CCDC152: variants seen among roughly 807,000 people sequenced by gnomAD.
The protein encoded by CCDC152 is coiled-coil domain containing 152.
CCDC152 carries 37 observed loss-of-function variants against 38.1 expected under a neutral mutation model. The observed-to-expected ratio is 0.97, with a 90% confidence interval of 0.75 to 1.28. The LOEUF is 1.28. Ranked by LOEUF, CCDC152 falls within the 50% of genes most tolerant of loss-of-function variation. CCDC152 has a pLI of 0.00. For synonymous variants in CCDC152, 83 were observed against 87.1 expected, an observed-to-expected ratio of 0.95 and a Z score of 0.26; for missense variants, 259 against 292.1, an observed-to-expected ratio of 0.89 and a Z score of 0.83.
At chr5:42,780,321 T>C (rs2111564262) in intron 5 of CCDC152, among the ~76,000 whole-genome samples, 1 of 152,280 alleles carries the variant, frequency 6.6e-6, no homozygotes, top group South Asian at 2.1e-4. Context: ...ATAAGTAGCA[T>C]TCTGGCTATG....
chr5:42,797,013 T>G (rs1304876251), intron 7 of CCDC152, 57 bp downstream of exon 7: 3 of 1,276,838 alleles, frequency 2.3e-6, no homozygotes, highest in Non-Finnish European at 3.2e-6. Context: ...TAAACTGTAC[T>G]TTGATTGTTT....
At chr5:42,773,533 G>A (rs934730096) in intron 4 of CCDC152, among the ~76,000 whole-genome samples, 3 of 152,272 alleles carry the variant, frequency 2.0e-5, no homozygotes, top group Non-Finnish European at 2.9e-5. Context: ...GTATGGCCAT[G>A]TAGTACAGTT....
intron 5 of CCDC152, among the ~76,000 whole-genome samples, chr5:42,779,792 G>T (rs1453023812): frequency 1.3e-5 from 2 of 151,742 alleles, no homozygotes; most frequent in Non-Finnish European, 2.9e-5. Context: ...AAAAAGAGAT[G>T]CAGTTATTTT....
intron 3 of CCDC152, among the ~76,000 whole-genome samples, chr5:42,766,224 A>T (rs964371275): frequency 6.6e-6 from 1 of 152,192 alleles, no homozygotes; most frequent in Non-Finnish European, 1.5e-5. Context: ...ATCTCATCTC[A>T]TCCCAGTTAC....
chr5:42,792,478 T>C (rs570853526), intron 6 of CCDC152, among the ~76,000 whole-genome samples: 1 of 152,332 alleles, frequency 6.6e-6, no homozygotes, highest in South Asian at 2.1e-4. Context: ...TCCATCCATA[T>C]TTCAAATGTC....
At chr5:42,787,135 G>A (rs1759931625) in intron 6 of CCDC152, among the ~76,000 whole-genome samples, 1 of 151,994 alleles carries the variant, frequency 6.6e-6, no homozygotes, top group Non-Finnish European at 1.5e-5. Flanking sequence ...TTGTTGAGTG[G>A]AATGTTCTGT....
Position 42,775,845 on chromosome 5 carries a change from G to A in CCDC152, c.263-3613G>A, listed in dbSNP as rs965038871. The stretch of plus-strand genomic sequence containing the variant: ...AAAGTACTTGTACTACCTGAGAAGC[G>A]GTATAATGGATTTGAAAGTGGACCT... On this transcript the variant is annotated intron_variant, in intron 4 of 8. Coordinates refer to ENST00000361970, the MANE Select transcript of CCDC152 (RefSeq NM_001134848.2). 6.6e-5 allele frequency among the ~76,000 whole-genome samples: 10 copies of A among 151,260 alleles called. No homozygotes were observed. The East Asian group carries it at 1.8e-3, about 26-fold the overall frequency.
rs1291473679 is a variant in CCDC152 at position 42,796,907 on chromosome 5, GA to G, written c.511del (p.Ser171ValfsTer10). 2.6e-6 allele frequency: 4 copies of G among 1,530,900 alleles called. No individual in the cohort carries two copies. The highest frequency in any genetic ancestry group is 3.5e-6 in the Non-Finnish European group (4 of 1,141,100). The allele number at this position is 1,530,900 out of a possible 1,614,324, so 94.8% of individuals were successfully genotyped here. Reference protein sequence around the residue: ...MEISELNAKLRSQEKEKQNEI... With the variant: ...MEISELNAKLXSQEKEKQNEI... ...ATTTCAGAGTTAAATGCAAAGCTAAGAAGTCAAGAAAAAGAAAAACAAAATG... is the reference window on the plus strand; with the variant it reads ...ATTTCAGAGTTAAATGCAAAGCTAAGAGTCAAGAAAAAGAAAAACAAAATG... On this transcript the variant is annotated frameshift_variant, in exon 7 of 9. Coordinates refer to ENST00000361970, the MANE Select transcript of CCDC152 (RefSeq NM_001134848.2). LOFTEE classifies it high-confidence loss of function.
chr5:42,769,355 A>C (rs2910859), intron 3 of CCDC152, among the ~76,000 whole-genome samples: 1 of 151,848 alleles, frequency 6.6e-6, no homozygotes, highest in Non-Finnish European at 1.5e-5. Context: ...TATTATTTTT[A>C]GAGACAGGGT....
intron 6 of CCDC152, among the ~76,000 whole-genome samples, chr5:42,790,015 T>G (rs1334308981): frequency 6.6e-6 from 1 of 152,200 alleles, no homozygotes; most frequent in African/African-American, 2.4e-5. Context: ...TCTTTAATAC[T>G]GTTAAGAAAA....
intron 3 of CCDC152, among the ~76,000 whole-genome samples, chr5:42,769,142 A>C (rs1213732493): frequency 3.9e-5 from 6 of 151,962 alleles, no homozygotes; most frequent in Non-Finnish European, 8.8e-5. Context: ...CCAGCTGCTC[A>C]GGAGGCTGAG....
At position 42,762,441 on chromosome 5, in the gene CCDC152, A is replaced by G. The variant is rs1309316675; in HGVS notation, c.88-2A>G. On this transcript the variant is annotated splice_acceptor_variant, in intron 2 of 8. Coordinates refer to ENST00000361970, the MANE Select transcript of CCDC152 (RefSeq NM_001134848.2). LOFTEE classifies it high-confidence loss of function. The stretch of plus-strand genomic sequence containing the variant: ...ATAATAAGTATTCTATTTCTTCTAC[A>G]GAAAATGGTAGAAACCAATGGAAAG... The G allele has an allele frequency of 1.4e-6, 2 of 1,411,932 alleles. No homozygotes were observed. Among genetic ancestry groups the G allele is most frequent in the Admixed American group, 4.4e-5 (2 of 45,446 alleles). The allele number at this position is 1,411,932 out of a possible 1,614,324, so 87.5% of individuals were successfully genotyped here. A position where few individuals can be genotyped will look rare whatever the true frequency, so the allele number is the denominator to read the frequency against.
intron 2 of CCDC152, 103 bp downstream of exon 2, chr5:42,759,311 A>G (rs549402121): frequency 3.3e-6 from 2 of 605,406 alleles, no homozygotes; most frequent in African/African-American, 3.8e-5. Flanking sequence ...AAAAATGATC[A>G]AGATAATAAT....
chr5:42,801,785 C>T lies in CCDC152; in HGVS notation c.*2004C>T, dbSNP rs1323676160. On this transcript the variant is annotated 3_prime_UTR_variant, in exon 9 of 9. Coordinates refer to ENST00000361970, the MANE Select transcript of CCDC152 (RefSeq NM_001134848.2). ...TACAAAAATTAGCTGGGTGTGGTGT[C>T]AGATGCCTGTAGTCCCAGCTACTTG... The T allele has an allele frequency of 1.2e-5, 2 of 160,504 alleles. No individual in the cohort carries two copies. Among genetic ancestry groups the T allele is most frequent in the African/African-American group, 4.8e-5 (2 of 41,748 alleles). 9.9% of individuals were successfully genotyped at this position (160,504 alleles called of 1,614,324 possible). A position where few individuals can be genotyped will look rare whatever the true frequency, so the allele number is the denominator to read the frequency against.
chr5:42,799,943 C>A lies in CCDC152; in HGVS notation c.*162C>A. 1 of 765,556 alleles carries A rather than the reference C, an allele frequency of 1.3e-6. No individual in the cohort carries two copies. The highest frequency in any genetic ancestry group is 2.0e-6 in the Non-Finnish European group (1 of 490,230). The allele number at this position is 765,556 out of a possible 1,614,324, so 47.4% of individuals were successfully genotyped here. A position where few individuals can be genotyped will look rare whatever the true frequency, so the allele number is the denominator to read the frequency against. ...CCGTACTGTATCCAATTCTGTACTG[C>A]ATTCTTGCTTAATAGTATTAACCAT... On this transcript the variant is annotated 3_prime_UTR_variant, in exon 9 of 9. Coordinates refer to ENST00000361970, the MANE Select transcript of CCDC152 (RefSeq NM_001134848.2).
At chr5:42,766,904 A>G (rs1175274162) in intron 3 of CCDC152, among the ~76,000 whole-genome samples, 1 of 151,998 alleles carries the variant, frequency 6.6e-6, no homozygotes, top group East Asian at 1.9e-4. Context: ...AAGTAACTTA[A>G]AGAGTGTAAC....
chr5:42,762,677 C>T (rs968827664), intron 3 of CCDC152, 129 bp downstream of exon 3: 17 of 630,804 alleles, frequency 2.7e-5, no homozygotes, highest in African/African-American at 2.4e-4. Flanking sequence ...ATTATCATCT[C>T]ATTTATATCC....
chr5:42,763,387 C>T (rs141441269), intron 3 of CCDC152, among the ~76,000 whole-genome samples: 1 of 152,252 alleles, frequency 6.6e-6, no homozygotes, highest in East Asian at 1.9e-4. Context: ...AAATGACTTT[C>T]GTAGATATTT....
intron 4 of CCDC152, among the ~76,000 whole-genome samples, chr5:42,775,416 A>C (rs553727710): frequency 1.3e-5 from 2 of 152,330 alleles, no homozygotes; most frequent in East Asian, 3.9e-4. Context: ...GTAGAGTGAA[A>C]TATTTTAAAG....
Sources: allele counts gnomAD v4.1 joint callset (sites outside exome capture counted in the v4.1 genomes callset), GRCh38; gene constraint gnomAD v4.1.1; transcripts MANE v1.5; gene names NCBI Gene and HGNC (gene_info 2026-07-23, HGNC 2026-07-21).